SPOCK3: variants seen among roughly 807,000 people sequenced by gnomAD.
SPOCK3 encodes the protein testican-3.
In SPOCK3, 30 loss-of-function variants were observed where a neutral mutation model predicts 56.6. The ratio of observed to expected loss-of-function variants is 0.53; its 90% confidence interval spans 0.40 to 0.72. The LOEUF is 0.72. Ranked by LOEUF, SPOCK3 falls within the 30% of genes least tolerant of loss-of-function variation. SPOCK3 has a pLI of 0.00. For synonymous variants in SPOCK3, 196 were observed against 183.3 expected, an observed-to-expected ratio of 1.07 and a Z score of -0.56; for missense variants, 527 against 530.0, an observed-to-expected ratio of 0.99 and a Z score of 0.06.
At chr4:166,964,027 G>A (rs369285374) in intron 4 of SPOCK3, among the ~76,000 whole-genome samples, 21 of 151,180 alleles carry the variant, frequency 1.4e-4, no homozygotes, top group African/African-American at 4.6e-4. Flanking sequence ...ATAATAATTA[G>A]TCCATTATCT....
intron 4 of SPOCK3, among the ~76,000 whole-genome samples, chr4:166,987,983 G>A (rs1747349882): frequency 6.6e-6 from 1 of 152,104 alleles, no homozygotes. Context: ...AAAAGAAGTG[G>A]AATTTTCGTA....
chr4:167,230,569 GTTC>G (rs1395272045), intron 2 of SPOCK3, among the ~76,000 whole-genome samples: 2 of 149,076 alleles, frequency 1.3e-5, no homozygotes, highest in African/African-American at 5.0e-5. Context: ...TGTTGAGGGA[GTTC>G]TTATTTTATT....
chr4:166,944,144 CA>C (rs1741435485), intron 4 of SPOCK3, among the ~76,000 whole-genome samples: 2 of 151,254 alleles, frequency 1.3e-5, no homozygotes, highest in South Asian at 2.1e-4. Context: ...AAGACTGTCT[CA>C]AAAAAAATTT....
chr4:167,047,655 T>C lies in SPOCK3; in HGVS notation c.235+14837A>G, dbSNP rs116607501. ...TGGCAGTCAGACAATGATTTTTCTA[T>C]AGGCATTTTAATATTTGTCTTCACT... On this transcript the variant is annotated intron_variant, in intron 3 of 10. Coordinates refer to ENST00000357545, the MANE Select transcript of SPOCK3 (RefSeq NM_001040159.2). Among the ~76,000 whole-genome samples, 566 of 152,358 alleles carry C rather than the reference T, an allele frequency of 3.7e-3. 7 individuals carry two copies. The highest frequency in any genetic ancestry group is 6.2e-3 in the Non-Finnish European group (422 of 68,028).
chr4:166,966,480 G>A (rs115987585), intron 4 of SPOCK3, among the ~76,000 whole-genome samples: 2,140 of 152,086 alleles, frequency 0.014, 18 homozygotes, highest in Non-Finnish European at 0.022. Flanking sequence ...GTTTTTATGC[G>A]TCCTTCTGAT....
chr4:166,860,815 A>ATATATATATATATATATATATG (rs1182314094), intron 6 of SPOCK3, among the ~76,000 whole-genome samples: 1 of 144,634 alleles, frequency 6.9e-6, no homozygotes, highest in East Asian at 2.0e-4. Flanking sequence ...ATATATATAT[A>ATATATATATATATATATATATG]TGTATATATA....
intron 6 of SPOCK3, among the ~76,000 whole-genome samples, chr4:166,860,558 T>C (rs1232948513): frequency 6.6e-6 from 1 of 151,732 alleles, no homozygotes; most frequent in Non-Finnish European, 1.5e-5. Context: ...GTAAAATCAA[T>C]GATAAAGGAG....
intron 5 of SPOCK3, among the ~76,000 whole-genome samples, chr4:166,904,984 C>T (rs572605685): frequency 1.2e-4 from 19 of 152,018 alleles, no homozygotes; most frequent in Admixed American, 9.8e-4. Context: ...ACTGTGTGTG[C>T]GCTTAACTGG....
chr4:166,795,788 C>T (rs1741872789), intron 6 of SPOCK3, among the ~76,000 whole-genome samples: 1 of 152,032 alleles, frequency 6.6e-6, no homozygotes, highest in Non-Finnish European at 1.5e-5. Context: ...TAATTTCTTA[C>T]ATTTTAATAG....
At chr4:166,945,684 T>A (rs1200813820) in intron 4 of SPOCK3, among the ~76,000 whole-genome samples, 1 of 152,196 alleles carries the variant, frequency 6.6e-6, no homozygotes, top group Non-Finnish European at 1.5e-5. Flanking sequence ...GCATCCCTAG[T>A]TGGGCTCTGA....
At chr4:166,988,936 T>C (rs1490847753) in intron 4 of SPOCK3, among the ~76,000 whole-genome samples, 1 of 152,136 alleles carries the variant, frequency 6.6e-6, no homozygotes, top group Non-Finnish European at 1.5e-5. Flanking sequence ...ATCCTTACCT[T>C]ATATTTAGAA....
intron 4 of SPOCK3, among the ~76,000 whole-genome samples, chr4:166,955,038 A>T (rs1743230716): frequency 6.6e-6 from 1 of 152,160 alleles, no homozygotes; most frequent in Non-Finnish European, 1.5e-5. Flanking sequence ...ATCCTTTCTA[A>T]TGTTAACTCT....
chr4:166,761,989 T>C (rs1353531858), intron 7 of SPOCK3, among the ~76,000 whole-genome samples: 1 of 151,788 alleles, frequency 6.6e-6, no homozygotes. Flanking sequence ...TTTCAGAAGA[T>C]ATTTAATGCT....
At chr4:166,841,083 A>T (rs997683709) in intron 6 of SPOCK3, among the ~76,000 whole-genome samples, 1 of 150,836 alleles carries the variant, frequency 6.6e-6, no homozygotes, top group African/African-American at 2.5e-5. Flanking sequence ...CGGCCCGCAG[A>T]AGTTTTTTTT....
intron 3 of SPOCK3, among the ~76,000 whole-genome samples, chr4:167,046,450 C>CT (rs67108499): frequency 0.22 from 11,849 of 53,724 alleles, 2,208 homozygotes; most frequent in African/African-American, 0.36. Flanking sequence ...TTCTGATATT[C>CT]TTTTTTTTTT....
At chr4:166,898,406 G>A (rs559340305) in intron 5 of SPOCK3, among the ~76,000 whole-genome samples, 282 of 152,190 alleles carry the variant, frequency 1.9e-3, no homozygotes, top group Non-Finnish European at 2.3e-3. Flanking sequence ...CTTTGCGATA[G>A]GGGGTGATAC....
intron 3 of SPOCK3, among the ~76,000 whole-genome samples, chr4:167,061,940 T>C (rs1438560788): frequency 1.3e-5 from 2 of 151,916 alleles, no homozygotes; most frequent in Non-Finnish European, 2.9e-5. Flanking sequence ...ATTTTCATTT[T>C]CATCCCTATT....
rs886099292 is a variant in SPOCK3, at chr4:167,077,440, C to T, written c.190-14903G>A. ...ACAAGATGTTCTTATCTAATTGCATCTTAGCTCAAACTACCAGAACATTTT... is the reference window on the plus strand; with the variant it reads ...ACAAGATGTTCTTATCTAATTGCATTTTAGCTCAAACTACCAGAACATTTT... On this transcript the variant is annotated intron_variant, in intron 2 of 10. Coordinates refer to ENST00000357545, the MANE Select transcript of SPOCK3 (RefSeq NM_001040159.2). Among the ~76,000 whole-genome samples, 7 of 151,952 alleles carry T rather than the reference C, an allele frequency of 4.6e-5. No individual in the cohort carries two copies. The South Asian group carries it at 1.2e-3, about 27-fold the overall frequency.
intron 4 of SPOCK3, among the ~76,000 whole-genome samples, chr4:166,937,940 T>A (rs1379669840): frequency 1.3e-5 from 2 of 149,160 alleles, no homozygotes; most frequent in African/African-American, 4.9e-5. Flanking sequence ...ATCTCTTTTT[T>A]TTTTTTTTTT....
Sources: allele counts gnomAD v4.1 joint callset (sites outside exome capture counted in the v4.1 genomes callset), GRCh38; gene constraint gnomAD v4.1.1; transcripts MANE v1.5; gene names NCBI Gene and HGNC (gene_info 2026-07-23, HGNC 2026-07-21).